AGAP1: variants seen among roughly 807,000 people sequenced by gnomAD.
AGAP1 encodes arf-GAP with GTPase, ANK repeat and PH domain-containing protein 1.
Under a neutral mutation model 105.3 loss-of-function variants are expected in AGAP1, and 29 were observed. That is an observed-to-expected ratio of 0.28 (90% CI 0.21 to 0.38). AGAP1 has a LOEUF of 0.38. AGAP1 is among the 10% of genes least tolerant of loss of function. The pLI is 1.00. For missense variants in AGAP1, 998 were observed against 1,165.1 expected, an observed-to-expected ratio of 0.86 and a Z score of 2.09; for synonymous variants, 509 against 485.9, an observed-to-expected ratio of 1.05 and a Z score of -0.63.
Position 235,621,131 on chromosome 2 carries a change from C to T in AGAP1, c.164-88048C>T, listed in dbSNP as rs1166468486. Among the ~76,000 whole-genome samples the T allele has an allele frequency of 1.3e-5, 2 of 152,176 alleles. No homozygotes were observed. The highest frequency in any genetic ancestry group is 4.8e-5 in the African/African-American group (2 of 41,442). On this transcript the variant is annotated intron_variant, in intron 1 of 17. Transcript: ENST00000304032. The surrounding 1 kb of genome is among the most constrained non-coding windows in gnomAD (Gnocchi z 4.1). ...CCACCTCCTAGGTTCAAGCAATTCTCCTGCCTTGGCCTCCGGAGGAGCTGA... is the reference window on the plus strand; with the variant it reads ...CCACCTCCTAGGTTCAAGCAATTCTTCTGCCTTGGCCTCCGGAGGAGCTGA...
intron 1 of AGAP1, among the ~76,000 whole-genome samples, chr2:235,698,009 G>A (rs142032697): frequency 1.3e-5 from 2 of 152,282 alleles, no homozygotes; most frequent in South Asian, 2.1e-4. Context: ...TTTGGCACCA[G>A]TGACTGGTTT....
Position 236,095,257 on chromosome 2 carries a change from C to T in AGAP1, c.2115-24935C>T, listed in dbSNP as rs144822154. Among the ~76,000 whole-genome samples the T allele has an allele frequency of 2.0e-5, 3 of 148,026 alleles. No individual in the cohort carries two copies. The highest frequency in any genetic ancestry group is 6.8e-5 in the Admixed American group (1 of 14,764). ...ACAAAAAAGTTAAAAATTAGCCAGG[C>T]GTGGTTGCATGCACCTGTGGTCCCA... On this transcript the variant is annotated intron_variant, in intron 16 of 17. Coordinates refer to ENST00000304032, the MANE Select transcript of AGAP1 (RefSeq NM_001037131.3). The surrounding 1 kb of genome is among the most constrained non-coding windows in gnomAD (Gnocchi z 4.1).
Position 235,919,085 on chromosome 2 carries a change from C to T in AGAP1, c.1324+10179C>T, listed in dbSNP as rs140183650. Among the ~76,000 whole-genome samples the T allele has an allele frequency of 4.5e-4, 68 of 152,248 alleles. No individual in the cohort carries two copies. The highest frequency in any genetic ancestry group is 1.5e-3 in the African/African-American group (64 of 41,548). On this transcript the variant is annotated intron_variant, in intron 11 of 17. Coordinates refer to ENST00000304032, the MANE Select transcript of AGAP1 (RefSeq NM_001037131.3). The surrounding 1 kb of genome is among the most constrained non-coding windows in gnomAD (Gnocchi z 4.1). ...GTTTCAGCTGCTGAACTGATGCTTC[C>T]GAGACCAGCGAAGTGGTCTGCAGGG...
chr2:235,538,541 CTG>C (rs1943324694), intron 1 of AGAP1, among the ~76,000 whole-genome samples: 2 of 148,632 alleles, frequency 1.3e-5, no homozygotes, highest in African/African-American at 5.2e-5. Flanking sequence ...GCACAGTTCT[CTG>C]CATAGGTTTC....
chr2:236,023,155 G>A (rs565615365), intron 13 of AGAP1, among the ~76,000 whole-genome samples: 107 of 152,276 alleles, frequency 7.0e-4, no homozygotes, highest in Non-Finnish European at 1.3e-3. Context: ...CTGAGTTTCC[G>A]ACCCCGTTGC....
intron 6 of AGAP1, among the ~76,000 whole-genome samples, chr2:235,757,948 A>G: frequency 6.6e-6 from 1 of 152,180 alleles, no homozygotes; most frequent in East Asian, 1.9e-4. Flanking sequence ...GTCCTGCATC[A>G]TCTTGGACCA....
intron 12 of AGAP1, among the ~76,000 whole-genome samples, chr2:235,932,961 A>C (rs964534948): frequency 6.6e-6 from 1 of 152,190 alleles, no homozygotes; most frequent in Non-Finnish European, 1.5e-5. Context: ...CAATTTCTAT[A>C]ATATTAACAC....
chr2:235,765,818 C>T (rs1236709559), intron 6 of AGAP1, among the ~76,000 whole-genome samples: 1 of 152,200 alleles, frequency 6.6e-6, no homozygotes, highest in African/African-American at 2.4e-5. Flanking sequence ...ACATAGTCAT[C>T]TGGGTACTGG....
chr2:235,738,777 T>G (rs1952403154), intron 3 of AGAP1, among the ~76,000 whole-genome samples: 1 of 151,990 alleles, frequency 6.6e-6, no homozygotes, highest in Non-Finnish European at 1.5e-5. Context: ...ATGCTGGTCT[T>G]GAACTCCTGA....
chr2:235,614,446 T>C lies in AGAP1; in HGVS notation c.164-94733T>C, dbSNP rs548933796. On this transcript the variant is annotated intron_variant, in intron 1 of 17. Transcript: ENST00000304032. The surrounding 1 kb of genome is among the most constrained non-coding windows in gnomAD (Gnocchi z 4.7). Reference sequence around the variant, plus strand: ...CGGCCTGTGATGGGCTGGATGTATTTGGGGAGGGAAGAAGGCAGTTGTAGC... The same window carrying C: ...CGGCCTGTGATGGGCTGGATGTATTCGGGGAGGGAAGAAGGCAGTTGTAGC... Among the ~76,000 whole-genome samples, 20 of 152,008 alleles carry C rather than the reference T, an allele frequency of 1.3e-4. No individual in the cohort carries two copies. The highest frequency in any genetic ancestry group is 1.9e-4 in the African/African-American group (8 of 41,468).
At chr2:236,071,713 T>C (rs367566143) in intron 16 of AGAP1, among the ~76,000 whole-genome samples, 102 of 152,210 alleles carry the variant, frequency 6.7e-4, no homozygotes, top group South Asian at 4.6e-3. Context: ...AGTGAGAGTT[T>C]TAATAACAGA....
chr2:235,814,770 G>A (rs1958356652), intron 9 of AGAP1, among the ~76,000 whole-genome samples: 1 of 152,188 alleles, frequency 6.6e-6, no homozygotes, highest in Non-Finnish European at 1.5e-5. Context: ...ACAGGAGGGA[G>A]GCAGACAGCA....
intron 1 of AGAP1, among the ~76,000 whole-genome samples, chr2:235,697,281 T>G (rs575589315): frequency 1.1e-4 from 16 of 152,318 alleles, no homozygotes; most frequent in African/African-American, 3.8e-4. Context: ...GCGTTCCATG[T>G]AGAGCATGGA....
chr2:236,075,749 G>GAGGA (rs1477987177), intron 16 of AGAP1, among the ~76,000 whole-genome samples: 4 of 152,222 alleles, frequency 2.6e-5, no homozygotes, highest in African/African-American at 9.6e-5. Context: ...GAGGTCTCAA[G>GAGGA]AGGAGCCTTT....
At chr2:236,010,193 T>G (rs1422893824) in intron 13 of AGAP1, among the ~76,000 whole-genome samples, 1 of 152,030 alleles carries the variant, frequency 6.6e-6, no homozygotes, top group Non-Finnish European at 1.5e-5. Context: ...AAGTTCCTCA[T>G]GTCGCAGGAA....
chr2:235,790,806 G>A (rs1956931367), intron 6 of AGAP1, among the ~76,000 whole-genome samples: 2 of 152,304 alleles, frequency 1.3e-5, no homozygotes, highest in Middle Eastern at 3.4e-3. Flanking sequence ...ATACAGCATG[G>A]CCTCAAGCAT....
In AGAP1 at chr2:235,659,963, C is replaced by A. The variant is rs906677538; in HGVS notation, c.164-49216C>A. On this transcript the variant is annotated intron_variant, in intron 1 of 17. Transcript: ENST00000304032. The surrounding 1 kb of genome is among the most constrained non-coding windows in gnomAD (Gnocchi z 5.0). ...CAGGGAAGGAACAGGCCCATAGGCA[C>A]CCCTCCATGGGCCCCTCAAGGCTGT... is the stretch of plus-strand genomic sequence containing the variant. Among the ~76,000 whole-genome samples the A allele has an allele frequency of 2.0e-5, 3 of 152,176 alleles. No homozygotes were observed. The highest frequency in any genetic ancestry group is 4.4e-5 in the Non-Finnish European group (3 of 68,030).
chr2:236,120,925 T>C lies in AGAP1; in HGVS notation c.2370+478T>C, dbSNP rs1365409147. Among the ~76,000 whole-genome samples, 2 of 152,240 alleles carry C rather than the reference T, an allele frequency of 1.3e-5. No homozygotes were observed. The highest frequency in any genetic ancestry group is 2.9e-5 in the Non-Finnish European group (2 of 68,050). On this transcript the variant is annotated intron_variant, in intron 17 of 17. Coordinates refer to ENST00000304032, the MANE Select transcript of AGAP1 (RefSeq NM_001037131.3). The surrounding 1 kb of genome is among the most constrained non-coding windows in gnomAD (Gnocchi z 6.0). ...GGGAAAAGTATTATTTACATTCCTA[T>C]TGAAGCATGTGTCACAATGCTTGAA...
chr2:235,883,237 T>C lies in AGAP1; in HGVS notation c.1051-108T>C. ...TTTAGCATTCGCCAGTATCACAGAG[T>C]GAAGTTCTGCACACACACAGAACTT... On this transcript the variant is annotated intron_variant, in intron 9 of 17. Coordinates refer to ENST00000304032, the MANE Select transcript of AGAP1 (RefSeq NM_001037131.3). The surrounding 1 kb of genome is among the most constrained non-coding windows in gnomAD (Gnocchi z 4.5). The C allele has an allele frequency of 1.2e-6, 1 of 851,376 alleles. No homozygotes were observed. Among genetic ancestry groups the C allele is most frequent in the Non-Finnish European group, 1.9e-6 (1 of 523,828 alleles). 52.7% of individuals were successfully genotyped at this position (851,376 alleles called of 1,614,324 possible).
Sources: allele counts gnomAD v4.1 joint callset (sites outside exome capture counted in the v4.1 genomes callset), GRCh38; gene constraint gnomAD v4.1.1; non-coding constraint Gnocchi (gnomAD v3.1); transcripts MANE v1.5; gene names NCBI Gene and HGNC (gene_info 2026-07-23, HGNC 2026-07-21).